Variants in SEMA3A observed in about 807,000 individuals in gnomAD.
The protein encoded by SEMA3A is semaphorin 3A.
A neutral mutation model predicts 97.9 loss-of-function variants in SEMA3A; 29 were observed. The observed-to-expected ratio is 0.30, with a 90% CI of 0.22 to 0.40. The LOEUF is 0.40. Ranked by LOEUF, SEMA3A falls within the 10% of genes least tolerant of loss-of-function variation. SEMA3A has a pLI of 1.00. For synonymous variants in SEMA3A, 321 were observed against 323.7 expected (o/e 0.99, Z 0.09); for missense variants, 763 against 951.3 (o/e 0.80, Z 2.60).
chr7:84,194,550 C>T lies in SEMA3A; in HGVS notation c.37G>A (p.Gly13Arg), dbSNP rs554613342. The change falls in exon 1 of 17, where the codon GGA becomes AGA. Residue 13 changes from glycine (G) to arginine (R), a missense_variant. By Grantham distance (125) the Gly-to-Arg change is moderately radical (BLOSUM62 -2). Coordinates refer to ENST00000265362, the MANE Select transcript of SEMA3A (RefSeq NM_006080.3). Reference sequence around the variant, plus strand: ...TTTGCTCTTGCTGTAAGTAATACTCCCCAGAAAAGACAGACAATCCTAGTT... The same window carrying T: ...TTTGCTCTTGCTGTAAGTAATACTCTCCAGAAAAGACAGACAATCCTAGTT... Reference protein sequence around the residue: ...WLTRIVCLFWGVLLTARANYQ... With the variant: ...WLTRIVCLFWRVLLTARANYQ... 39 of 1,613,222 alleles carry T rather than the reference C, an allele frequency of 2.4e-5. No individual in the cohort carries two copies. The highest frequency in any genetic ancestry group is 3.2e-5 in the Non-Finnish European group (38 of 1,179,326).
intron 1 of SEMA3A, among the ~76,000 whole-genome samples, chr7:84,386,721 T>C (rs887724084): frequency 6.6e-6 from 1 of 152,162 alleles, no homozygotes; most frequent in Admixed American, 6.6e-5. Flanking sequence ...CAGGTTCTTT[T>C]ATAAAGTCAA....
chr7:84,311,643 C>T (rs553793783), intron 2 of SEMA3A, among the ~76,000 whole-genome samples: 9 of 151,878 alleles, frequency 5.9e-5, no homozygotes, highest in African/African-American at 1.9e-4. Context: ...GGCAAGTACA[C>T]TTTTCCAGCA....
chr7:84,379,047 C>G (rs941179518), intron 1 of SEMA3A, among the ~76,000 whole-genome samples: 8 of 152,016 alleles, frequency 5.3e-5, no homozygotes, highest in Non-Finnish European at 1.0e-4. Context: ...CCTGCCTCAG[C>G]CTCCTGAGTA....
intron 6 of SEMA3A, among the ~76,000 whole-genome samples, chr7:84,024,459 T>C (rs1791469946): frequency 1.3e-5 from 2 of 151,860 alleles, no homozygotes; most frequent in African/African-American, 4.8e-5. Context: ...GGCACGAGAA[T>C]TGCTTGAACC....
rs1454008308 is a variant in SEMA3A at position 83,961,509 on chromosome 7, C to G, written c.2178G>C (p.Trp726Cys). 6.2e-7 allele frequency: 1 copy of G among 1,613,912 alleles called. No homozygotes were observed. The highest frequency in any genetic ancestry group is 8.5e-7 in the Non-Finnish European group (1 of 1,179,966). ...NTMDEFCEQV[W>C]KRDRKQRRQR... ...GCCGACGTTGTTTTCGGTCCCTTTT[C>G]CAAACTTGTTCACAGAACTCATCCA... is the stretch of plus-strand genomic sequence containing the variant. The change falls in exon 17 of 17, where the codon TGG becomes TGC. Residue 726 changes from tryptophan to cysteine, a missense_variant. Physicochemically the swap from Trp to Cys is radical, Grantham distance 215 (BLOSUM62 -2). This residue lies in a region of SEMA3A where 678 missense variants were observed against 881.3 expected (regional missense o/e 0.77). Coordinates refer to ENST00000265362, the MANE Select transcript of SEMA3A (RefSeq NM_006080.3).
chr7:84,267,408 A>T (rs1800034357), intron 3 of SEMA3A, among the ~76,000 whole-genome samples: 1 of 152,160 alleles, frequency 6.6e-6, no homozygotes, highest in South Asian at 2.1e-4. Flanking sequence ...AAAAATTCCC[A>T]GAACGTATTA....
Position 84,468,024 on chromosome 7 carries a change from C to T in SEMA3A, c.-246+24436G>A, listed in dbSNP as rs183498822. 8.7e-4 allele frequency among the ~76,000 whole-genome samples: 132 copies of T among 152,228 alleles called. 1 individual carries two copies. Among genetic ancestry groups the T allele is most frequent in the Middle Eastern group, 3.4e-3 (1 of 294 alleles). On this transcript the variant is annotated intron_variant, in intron 1 of 3. Transcript: ENST00000424555. ...TTGAATGAATAAGTGATAGACTGTA[C>T]GTAGGCTCCCACTAATGAGATTAAA...
At chr7:84,309,877 ATGAG>A (rs1801270867) in intron 2 of SEMA3A, among the ~76,000 whole-genome samples, 1 of 152,208 alleles carries the variant, frequency 6.6e-6, no homozygotes, top group Admixed American at 6.6e-5. Flanking sequence ...TCAGCAAGCA[ATGAG>A]TGAGAGAAGG....
intron 1 of SEMA3A, among the ~76,000 whole-genome samples, chr7:84,172,711 C>T (rs1427608399): frequency 1.3e-5 from 2 of 152,140 alleles, no homozygotes; most frequent in Admixed American, 6.5e-5. Flanking sequence ...CAGGCGTGGG[C>T]CACTGCACCC....
chr7:84,302,161 TAA>T (rs1309294108), intron 3 of SEMA3A, among the ~76,000 whole-genome samples: 1 of 152,170 alleles, frequency 6.6e-6, no homozygotes, highest in Admixed American at 6.5e-5. Context: ...AATTATTTGC[TAA>T]GTGAAAAAGT....
At chr7:84,073,236 T>C (rs1468104028) in intron 4 of SEMA3A, among the ~76,000 whole-genome samples, 4 of 152,010 alleles carry the variant, frequency 2.6e-5, no homozygotes, top group Non-Finnish European at 4.4e-5. Context: ...TCCTTCAAAA[T>C]ATATTTTGTA....
intron 2 of SEMA3A, among the ~76,000 whole-genome samples, chr7:84,321,601 T>C (rs914840060): frequency 1.3e-5 from 2 of 151,822 alleles, no homozygotes; most frequent in Non-Finnish European, 2.9e-5. Flanking sequence ...TATGAAGAAA[T>C]ACCAGTGGCT....
At chr7:84,011,964 T>C (rs1790898527) in intron 7 of SEMA3A, among the ~76,000 whole-genome samples, 1 of 152,102 alleles carries the variant, frequency 6.6e-6, no homozygotes, top group Non-Finnish European at 1.5e-5. Context: ...GGACATTATG[T>C]TAACAGAAAT....
chr7:84,399,262 A>G (rs946497495), intron 1 of SEMA3A, among the ~76,000 whole-genome samples: 4 of 152,148 alleles, frequency 2.6e-5, no homozygotes, highest in Non-Finnish European at 5.9e-5. Flanking sequence ...AGGGGAATCC[A>G]TTGTCCTGGC....
chr7:84,296,864 C>T (rs903402794), intron 3 of SEMA3A, among the ~76,000 whole-genome samples: 5 of 152,128 alleles, frequency 3.3e-5, no homozygotes, highest in Non-Finnish European at 7.4e-5. Flanking sequence ...AAATGTCACA[C>T]ATTGATGAAA....
chr7:84,317,849 A>G (rs572422210), intron 2 of SEMA3A, among the ~76,000 whole-genome samples: 1 of 152,266 alleles, frequency 6.6e-6, no homozygotes, highest in East Asian at 1.9e-4. Flanking sequence ...AAAATATCTG[A>G]TTTCTGGGTA....
chr7:84,383,756 T>G lies in SEMA3A; in HGVS notation c.-245-11856A>C, dbSNP rs184082383. Among the ~76,000 whole-genome samples the G allele has an allele frequency of 2.0e-5, 3 of 152,308 alleles. No homozygotes were observed. The East Asian group carries it at 5.8e-4, about 29-fold the overall frequency. Reference sequence around the variant, plus strand: ...TATTATTCAATGCGTTTGTAGAAGTTTGTTGCTACCATGAACAAGATTAAA... The same window carrying G: ...TATTATTCAATGCGTTTGTAGAAGTGTGTTGCTACCATGAACAAGATTAAA... On this transcript the variant is annotated intron_variant, in intron 1 of 3. Transcript: ENST00000424555.
At chr7:84,171,362 T>A (rs1442435486) in intron 1 of SEMA3A, among the ~76,000 whole-genome samples, 9 of 152,108 alleles carry the variant, frequency 5.9e-5, no homozygotes, top group African/African-American at 1.9e-4. Context: ...AGATTTGCAC[T>A]TCTTCACTGG....
rs61054337 is a variant in SEMA3A, at chr7:83,986,970, T to TCACA, written c.1453-1497_1453-1494dup. Among the ~76,000 whole-genome samples, 17 of 106,938 alleles carry TCACA rather than the reference T, an allele frequency of 1.6e-4. 1 individual carries two copies. Among genetic ancestry groups the TCACA allele is most frequent in the African/African-American group, 3.2e-4 (11 of 34,168 alleles). The allele number at this position is 106,938 out of a possible 152,430, so 70.2% of individuals were successfully genotyped here. ...CTCTCTTCTCTCATCTCTCTCTCTT[T>TCACA]CACACACACACACACACACCCACAC... On this transcript the variant is annotated intron_variant, in intron 12 of 16. Coordinates refer to ENST00000265362, the MANE Select transcript of SEMA3A (RefSeq NM_006080.3).
Sources: gnomAD v4.1 joint callset for allele counts (sites outside exome capture counted in the v4.1 genomes callset) on GRCh38, gnomAD v4.1.1 for gene constraint, gnomAD v4.1.1 regional missense constraint, MANE v1.5 for transcripts, NCBI Gene and HGNC (gene_info 2026-07-23, HGNC 2026-07-21) for gene names.